The following LMX1A variants were observed in gnomAD, a reference collection of about 807,000 sequenced individuals.
LMX1A encodes LIM homeobox transcription factor 1-alpha.
LMX1A carries 15 observed loss-of-function variants against 49.1 expected under a neutral mutation model. The observed-to-expected ratio is 0.31, with a 90% CI of 0.20 to 0.47. The LOEUF is 0.47. LMX1A is among the 20% of genes least tolerant of loss of function. The pLI, the probability that LMX1A is intolerant of heterozygous loss-of-function variation, is 1.00. For missense variants in LMX1A, 372 were observed against 475.8 expected (o/e 0.78, Z 2.03); for synonymous variants, 167 against 185.7 (o/e 0.90, Z 0.82).
intron 3 of LMX1A, among the ~76,000 whole-genome samples, chr1:165,268,222 G>C (rs1653686824): frequency 6.6e-6 from 1 of 152,164 alleles, no homozygotes; most frequent in African/African-American, 2.4e-5. Flanking sequence ...CTAAAGTCTG[G>C]ACCACTCTGG....
At chr1:165,275,843 GTGTA>G (rs1390919334) in intron 3 of LMX1A, among the ~76,000 whole-genome samples, 56 of 91,038 alleles carry the variant, frequency 6.2e-4, no homozygotes, top group African/African-American at 1.8e-3. Flanking sequence ...TGGGGTGTGT[GTGTA>G]TGTGTGTGTG....
At chr1:165,330,803 T>C (rs1167090595) in intron 3 of LMX1A, among the ~76,000 whole-genome samples, 1 of 152,056 alleles carries the variant, frequency 6.6e-6, no homozygotes, top group East Asian at 1.9e-4. Flanking sequence ...AGTGAGGGAA[T>C]AAACCTGGAA....
At position 165,349,862 on chromosome 1, in the gene LMX1A, A is replaced by C. The variant is rs139022445; in HGVS notation, c.263+3214T>G. Among the ~76,000 whole-genome samples, 553 of 152,324 alleles carry C rather than the reference A, an allele frequency of 3.6e-3. 10 individuals carry two copies. Among genetic ancestry groups the C allele is most frequent in the African/African-American group, 0.013 (529 of 41,570 alleles). On this transcript the variant is annotated intron_variant, in intron 3 of 8. Coordinates refer to ENST00000342310, the MANE Select transcript of LMX1A (RefSeq NM_177398.4). The stretch of plus-strand genomic sequence containing the variant: ...TAACACCATAAAGAGACAGCTAATA[A>C]TTCAAATGCAAAACTGCCCAACAGC...
chr1:165,280,483 C>T (rs1654113242), intron 3 of LMX1A, among the ~76,000 whole-genome samples: 1 of 152,190 alleles, frequency 6.6e-6, no homozygotes, highest in South Asian at 2.1e-4. Flanking sequence ...TATGTCTCAC[C>T]ATTGTGACAC....
chr1:165,308,111 A>G (rs1177565796), intron 3 of LMX1A, among the ~76,000 whole-genome samples: 2 of 152,180 alleles, frequency 1.3e-5, no homozygotes, highest in African/African-American at 4.8e-5. Flanking sequence ...ATCAGTCAAT[A>G]TTTTCATAAG....
chr1:165,264,216 T>G (rs915891332), intron 3 of LMX1A, among the ~76,000 whole-genome samples: 2 of 151,916 alleles, frequency 1.3e-5, no homozygotes, highest in East Asian at 1.9e-4. Flanking sequence ...ACAAAACTCA[T>G]GTGCAAGTCT....
rs940751887 is a variant in LMX1A, at chr1:165,249,430, C to T, written c.474G>A (p.Val158=). 10 of 1,614,114 alleles carry T rather than the reference C, an allele frequency of 6.2e-6. No individual in the cohort carries two copies. The highest frequency in any genetic ancestry group is 2.2e-5 in the South Asian group (2 of 91,078). The change falls in exon 4 of 9, where the codon GTG becomes GTA. Residue 158 remains valine, a synonymous_variant. Transcript: ENST00000342310. ...YEKERELLSL[V]SPAASDSGKS... Reference sequence around the variant, plus strand: ...CACCTGAGTCTGAGGCTGCTGGGCTCACCAGGCTGAGCAGCTCCCGCTCCT... The same window carrying T: ...CACCTGAGTCTGAGGCTGCTGGGCTTACCAGGCTGAGCAGCTCCCGCTCCT...
chr1:165,245,012 A>G (rs1340214077), intron 4 of LMX1A, among the ~76,000 whole-genome samples: 1 of 152,208 alleles, frequency 6.6e-6, no homozygotes, highest in Non-Finnish European at 1.5e-5. Context: ...TGAGTTTGGT[A>G]TCCCATGTAG....
At chr1:165,319,036 CA>C (rs1557883300) in intron 3 of LMX1A, among the ~76,000 whole-genome samples, 95 of 145,812 alleles carry the variant, frequency 6.5e-4, no homozygotes, top group African/African-American at 2.0e-3. Flanking sequence ...CACACACACA[CA>C]CACACCCCAA....
At chr1:165,353,712 T>C (rs1310692507) in intron 2 of LMX1A, among the ~76,000 whole-genome samples, 1 of 152,232 alleles carries the variant, frequency 6.6e-6, no homozygotes, top group Non-Finnish European at 1.5e-5. Context: ...CAGAGTTCTG[T>C]TCTATTTTTT....
chr1:165,286,602 C>T (rs946142345), intron 3 of LMX1A, among the ~76,000 whole-genome samples: 1 of 152,140 alleles, frequency 6.6e-6, no homozygotes, highest in African/African-American at 2.4e-5. Flanking sequence ...AGAGAGCCCA[C>T]CAAGTACCAG....
intron 3 of LMX1A, among the ~76,000 whole-genome samples, chr1:165,298,076 T>C (rs1472314418): frequency 6.6e-6 from 1 of 152,122 alleles, no homozygotes; most frequent in Non-Finnish European, 1.5e-5. Flanking sequence ...TTGAAAGAAA[T>C]AAACTTGAGA....
intron 4 of LMX1A, among the ~76,000 whole-genome samples, chr1:165,232,526 G>A (rs1652273407): frequency 6.6e-6 from 1 of 152,132 alleles, no homozygotes; most frequent in African/African-American, 2.4e-5. Flanking sequence ...TTCAGAGGAA[G>A]AGGCTTCTGG....
At chr1:165,305,261 G>A (rs148999455) in intron 3 of LMX1A, among the ~76,000 whole-genome samples, 7 of 152,216 alleles carry the variant, frequency 4.6e-5, no homozygotes, top group East Asian at 3.9e-4. Flanking sequence ...TGGACTCGTC[G>A]ACACATATTG....
At chr1:165,273,609 A>AT in intron 3 of LMX1A, among the ~76,000 whole-genome samples, 1 of 152,200 alleles carries the variant, frequency 6.6e-6, no homozygotes, top group Non-Finnish European at 1.5e-5. Context: ...CACCAAACAC[A>AT]TTTCAGCACT....
At chr1:165,243,538 G>C (rs1484163879) in intron 4 of LMX1A, among the ~76,000 whole-genome samples, 1 of 152,218 alleles carries the variant, frequency 6.6e-6, no homozygotes, top group Non-Finnish European at 1.5e-5. Flanking sequence ...ATAGAAAACA[G>C]AAAGTCTGTA....
chr1:165,328,079 A>G (rs1368642417), intron 3 of LMX1A, among the ~76,000 whole-genome samples: 1 of 152,268 alleles, frequency 6.6e-6, no homozygotes, highest in African/African-American at 2.4e-5. Flanking sequence ...AGGAGAGATA[A>G]GGAGGAGAGC....
At chr1:165,232,952 G>C (rs1652286089) in intron 4 of LMX1A, among the ~76,000 whole-genome samples, 1 of 152,196 alleles carries the variant, frequency 6.6e-6, no homozygotes, top group East Asian at 1.9e-4. Flanking sequence ...ACTCTCCTTA[G>C]GTGGTGTAGG....
chr1:165,292,763 T>G (rs1341429769), intron 3 of LMX1A, among the ~76,000 whole-genome samples: 1 of 152,138 alleles, frequency 6.6e-6, no homozygotes, highest in Non-Finnish European at 1.5e-5. Flanking sequence ...GGGCTATAGA[T>G]TTTCCACTCT....
Sources: gnomAD v4.1 joint callset for allele counts (sites outside exome capture counted in the v4.1 genomes callset) on GRCh38, gnomAD v4.1.1 for gene constraint, MANE v1.5 for transcripts, NCBI Gene and HGNC (gene_info 2026-07-23, HGNC 2026-07-21) for gene names.